The following STEAP2 variants were observed in gnomAD, a reference collection of about 807,000 sequenced individuals.
STEAP2 encodes metalloreductase STEAP2.
STEAP2 carries 30 observed loss-of-function variants against 46.4 expected under a neutral mutation model. That is an observed-to-expected ratio of 0.65 (90% CI 0.48 to 0.88). STEAP2 has a LOEUF of 0.88. STEAP2 is among the 40% of genes least tolerant of loss of function. The probability of loss-of-function intolerance (pLI) is 0.00; values close to 1 mark genes in which losing one functional copy is unlikely to be tolerated. For synonymous variants in STEAP2, 180 were observed against 200.5 expected (o/e 0.90, Z 0.86); for missense variants, 513 against 579.3 (o/e 0.89, Z 1.18).
In STEAP2 at chr7:90,233,561, G is replaced by C. The variant is rs1236309929; in HGVS notation, c.*937G>C. 37 of 974,178 alleles carry C rather than the reference G, an allele frequency of 3.8e-5. No homozygotes were observed. Among genetic ancestry groups the C allele is most frequent in the Admixed American group, 6.2e-5 (1 of 16,242 alleles). The allele number at this position is 974,178 out of a possible 1,614,324, so 60.3% of individuals were successfully genotyped here. On this transcript the variant is annotated 3_prime_UTR_variant, in exon 6 of 6. Coordinates refer to ENST00000394621, the MANE Select transcript of STEAP2 (RefSeq NM_001244944.2). ...GAGGGATTCTGATGTGCTAGGCATG[G>C]TTCTAAGTACTTTACTTGTATTATC...
At chr7:90,214,949 A>C (rs1794955949) in intron 1 of STEAP2, among the ~76,000 whole-genome samples, 1 of 152,332 alleles carries the variant, frequency 6.6e-6, no homozygotes, top group African/African-American at 2.4e-5. Context: ...GATAAAGTCC[A>C]GGAAAAACAT....
intron 2 of STEAP2, among the ~76,000 whole-genome samples, chr7:90,223,551 G>T (rs754729057): frequency 6.6e-5 from 10 of 152,182 alleles, no homozygotes; most frequent in Non-Finnish European, 1.2e-4. Flanking sequence ...TGTCTACATG[G>T]CTATGATAAC....
intron 2 of STEAP2, among the ~76,000 whole-genome samples, chr7:90,224,291 T>C (rs1168917311): frequency 6.6e-6 from 1 of 152,154 alleles, no homozygotes; most frequent in African/African-American, 2.4e-5. Flanking sequence ...CAGTTCACTA[T>C]TGCCATGGCA....
chr7:90,217,074 C>T (rs905484533), intron 2 of STEAP2, among the ~76,000 whole-genome samples: 1 of 152,176 alleles, frequency 6.6e-6, no homozygotes, highest in African/African-American at 2.4e-5. Flanking sequence ...GTTTTCAGAA[C>T]ATTGAGGGAA....
chr7:90,234,628 G>A lies in STEAP2; in HGVS notation c.*2004G>A. 1 of 745,806 alleles carries A rather than the reference G, an allele frequency of 1.3e-6. No individual in the cohort carries two copies. Among genetic ancestry groups the A allele is most frequent in the Non-Finnish European group, 1.6e-6 (1 of 615,978 alleles). 46.2% of individuals were successfully genotyped at this position (745,806 alleles called of 1,614,324 possible). A position where few individuals can be genotyped will look rare whatever the true frequency, so the allele number is the denominator to read the frequency against. On this transcript the variant is annotated 3_prime_UTR_variant, in exon 6 of 6. Coordinates refer to ENST00000394621, the MANE Select transcript of STEAP2 (RefSeq NM_001244944.2). ...TGCAGTGGCACGATCTCGGCTCACTGCAAGCTCTGCCTCCCGGGTTCACGC... is the reference window on the plus strand; with the variant it reads ...TGCAGTGGCACGATCTCGGCTCACTACAAGCTCTGCCTCCCGGGTTCACGC...
At chr7:90,222,735 A>G (rs1795302520) in intron 2 of STEAP2, among the ~76,000 whole-genome samples, 1 of 152,200 alleles carries the variant, frequency 6.6e-6, no homozygotes, top group African/African-American at 2.4e-5. Flanking sequence ...TTGTCTTTCT[A>G]AAGTTTAACA....
intron 4 of STEAP2, among the ~76,000 whole-genome samples, chr7:90,228,289 G>A (rs1234954304): frequency 2.4e-4 from 36 of 152,134 alleles, no homozygotes; most frequent in Admixed American, 2.3e-3. Flanking sequence ...TGTAAGGATC[G>A]AAGGCATCAT....
rs1252725312 is a variant in STEAP2 at position 90,235,215 on chromosome 7, T to A, written c.*2591T>A. ...CCTTTAAAAATATGAAAAACAAACT[T>A]GTGAAAATGTATAAAAGATGCATCT... is the stretch of plus-strand genomic sequence containing the variant. On this transcript the variant is annotated 3_prime_UTR_variant, in exon 6 of 6. Transcript: ENST00000394621. The A allele has an allele frequency of 1.0e-6, 1 of 983,442 alleles. No individual in the cohort carries two copies. Among genetic ancestry groups the A allele is most frequent in the Non-Finnish European group, 1.2e-6 (1 of 828,114 alleles). 60.9% of individuals were successfully genotyped at this position (983,442 alleles called of 1,614,324 possible).
chr7:90,236,798 G>A lies in STEAP2; in HGVS notation c.*4174G>A. On this transcript the variant is annotated 3_prime_UTR_variant, in exon 6 of 6. Transcript: ENST00000394621. ...ACTGTTTGGATTCTTCCAGTGGCCA[G>A]ATGAGCTAAATTAAATCACAAAAGC... 6.4e-7 allele frequency: 1 copy of A among 1,554,920 alleles called. No individual in the cohort carries two copies.
chr7:90,232,869 A>T lies in STEAP2; in HGVS notation c.*245A>T, dbSNP rs1334036421. ...GGTATGTTTTGTTTTGTTTTGCACA[A>T]CTGTAACCCTGTTGTTACTTTATAT... On this transcript the variant is annotated 3_prime_UTR_variant, in exon 6 of 6. Coordinates refer to ENST00000394621, the MANE Select transcript of STEAP2 (RefSeq NM_001244944.2). 5 of 1,129,400 alleles carry T rather than the reference A, an allele frequency of 4.4e-6. No individual in the cohort carries two copies. In the Admixed American group the frequency reaches 2.2e-4, roughly 51 times the overall value. The allele number at this position is 1,129,400 out of a possible 1,614,324, so 70.0% of individuals were successfully genotyped here. A position where few individuals can be genotyped will look rare whatever the true frequency, so the allele number is the denominator to read the frequency against.
Position 90,225,362 on chromosome 7 carries a change from C to T in STEAP2, c.280C>T (p.His94Tyr), listed in dbSNP as rs780453173. 8.1e-6 allele frequency: 13 copies of T among 1,613,836 alleles called. No homozygotes were observed. The highest frequency in any genetic ancestry group is 1.3e-5 in the African/African-American group (1 of 75,004). The change falls in exon 3 of 6, where the codon CAC (histidine) becomes TAC (tyrosine). Residue 94 changes from histidine (H) to tyrosine (Y), a missense_variant. By Grantham distance (83) the His-to-Tyr change is moderately conservative. Transcript: ENST00000394621. ...TKTNIIFVAI[H>Y]REHYTSLWDL... ...AACAAATATAATATTTGTTGCTATA[C>T]ACAGAGAACATTATACCTCCCTGTG...
Position 90,233,155 on chromosome 7 carries a change from G to A in STEAP2, c.*531G>A, listed in dbSNP as rs1584251537. 1.0e-6 allele frequency: 1 copy of A among 984,008 alleles called. No individual in the cohort carries two copies. Among genetic ancestry groups the A allele is most frequent in the African/African-American group, 1.7e-5 (1 of 57,148 alleles). 61.0% of individuals were successfully genotyped at this position (984,008 alleles called of 1,614,324 possible). On this transcript the variant is annotated 3_prime_UTR_variant, in exon 6 of 6. Transcript: ENST00000394621. ...TTCTCTCATAAAATAGGATTTGAAG[G>A]ATGAAATTAATTGTATGAAGCAATG...
rs1795544285 is a variant in STEAP2, at chr7:90,227,368, C to T, written c.890C>T (p.Thr297Ile). 1.2e-6 allele frequency: 2 copies of T among 1,613,670 alleles called. No homozygotes were observed. The highest frequency in any genetic ancestry group is 1.3e-5 in the African/African-American group (1 of 74,890). ...KYRRFPPWLE[T>I]WLQCRKQLGL... ...AGGAGATTTCCACCTTGGTTGGAAACCTGGTTACAGTGTAGAAAACAGCTT... is the reference window on the plus strand; with the variant it reads ...AGGAGATTTCCACCTTGGTTGGAAATCTGGTTACAGTGTAGAAAACAGCTT... Residue 297 changes from threonine to isoleucine, a missense_variant, in exon 4 of 6, where the codon ACC becomes ATC. Physicochemically the swap from Thr to Ile is moderately conservative, Grantham distance 89. Transcript: ENST00000394621.
intron 4 of STEAP2, among the ~76,000 whole-genome samples, chr7:90,228,782 T>C (rs943961826): frequency 6.6e-6 from 1 of 152,074 alleles, no homozygotes; most frequent in African/African-American, 2.4e-5. Context: ...AACAGCCCAT[T>C]TGTGGATGAA....
intron 2 of STEAP2, among the ~76,000 whole-genome samples, chr7:90,223,756 A>G (rs1471875926): frequency 6.6e-6 from 1 of 152,196 alleles, no homozygotes; most frequent in East Asian, 1.9e-4. Context: ...TCTCAATGAT[A>G]CATTGTAAGA....
downstream of STEAP2, among the ~76,000 whole-genome samples, chr7:90,240,977 C>T (rs28949014): frequency 0.032 from 4,838 of 152,208 alleles, 594 homozygotes; most frequent in East Asian, 0.41. The surrounding 1 kb of genome is among the most constrained non-coding windows in gnomAD (Gnocchi z 4.1). Flanking sequence ...AAAATTAAGT[C>T]AACATACCAA....
At chr7:90,231,688 G>A (rs1049028370) in intron 5 of STEAP2, among the ~76,000 whole-genome samples, 1 of 151,886 alleles carries the variant, frequency 6.6e-6, no homozygotes, top group Non-Finnish European at 1.5e-5. Context: ...GTCCATAGTT[G>A]ACCAAAATGC....
Position 90,236,123 on chromosome 7 carries a change from T to TA in STEAP2, c.*3501dup, listed in dbSNP as rs1795951653. On this transcript the variant is annotated 3_prime_UTR_variant, in exon 6 of 6. Transcript: ENST00000394621. ...ATATTTTAATATATCTCCTATCTGA[T>TA]AACTTAATTCTTCTAAATTACCACT... 1.5e-6 allele frequency: 1 copy of TA among 660,172 alleles called. No individual in the cohort carries two copies. Among genetic ancestry groups the TA allele is most frequent in the South Asian group, 7.0e-5 (1 of 14,224 alleles). 40.9% of individuals were successfully genotyped at this position (660,172 alleles called of 1,614,324 possible). A position where few individuals can be genotyped will look rare whatever the true frequency, so the allele number is the denominator to read the frequency against.
chr7:90,226,886 G>A (rs893174500), intron 3 of STEAP2, 85 bp from the exon 4 acceptor site: 1 of 1,330,926 alleles, frequency 7.5e-7, no homozygotes, highest in Non-Finnish European at 1.0e-6. Context: ...GTCATCACAG[G>A]TGATGGTCCG....
Sources: gnomAD v4.1 joint callset for allele counts (sites outside exome capture counted in the v4.1 genomes callset) on GRCh38, gnomAD v4.1.1 for gene constraint, Gnocchi (gnomAD v3.1) non-coding constraint, MANE v1.5 for transcripts, NCBI Gene and HGNC (gene_info 2026-07-23, HGNC 2026-07-21) for gene names.